Variants in FGGY observed in about 807,000 individuals in gnomAD.
The protein encoded by FGGY is FGGY carbohydrate kinase domain containing, also known as FGGY carbohydrate kinase domain-containing protein.
FGGY carries 72 observed loss-of-function variants against 71.3 expected under a neutral mutation model. That is an observed-to-expected ratio of 1.01 (90% CI 0.84 to 1.23). The LOEUF is 1.23. Ranked by LOEUF, FGGY falls within the 50% of genes most tolerant of loss-of-function variation. The pLI, the probability that FGGY is intolerant of heterozygous loss-of-function variation, is 0.00. For synonymous variants in FGGY, 251 were observed against 250.3 expected, an observed-to-expected ratio of 1.00 and a Z score of -0.02; for missense variants, 668 against 682.3, an observed-to-expected ratio of 0.98 and a Z score of 0.23.
chr1:59,472,500 A>G (rs927532411), intron 6 of FGGY, among the ~76,000 whole-genome samples: 1 of 152,238 alleles, frequency 6.6e-6, no homozygotes, highest in African/African-American at 2.4e-5. Flanking sequence ...AGGCAGCTCC[A>G]CCTGCAGCCC....
intron 7 of FGGY, among the ~76,000 whole-genome samples, chr1:59,542,445 C>CTTT (rs754831417): frequency 0.026 from 907 of 34,298 alleles, 168 homozygotes; most frequent in Non-Finnish European, 0.033. Flanking sequence ...ATGTTCTTTA[C>CTTT]TTTTTTTTTT....
At chr1:59,518,357 TG>T (rs1038797883) in intron 7 of FGGY, among the ~76,000 whole-genome samples, 73 of 152,310 alleles carry the variant, frequency 4.8e-4, no homozygotes, top group African/African-American at 1.7e-3. Context: ...TAATGTGATT[TG>T]GGGGGAACAT....
At chr1:59,525,824 A>G (rs1408160376) in intron 7 of FGGY, among the ~76,000 whole-genome samples, 1 of 152,196 alleles carries the variant, frequency 6.6e-6, no homozygotes, top group Non-Finnish European at 1.5e-5. Flanking sequence ...ACATATATGT[A>G]TTGTATGTGT....
chr1:59,624,482 C>T (rs1236400670), intron 9 of FGGY, among the ~76,000 whole-genome samples: 2 of 152,118 alleles, frequency 1.3e-5, no homozygotes, highest in Middle Eastern at 3.2e-3. Flanking sequence ...GTATATTTCA[C>T]GTGATATCAT....
intron 2 of FGGY, among the ~76,000 whole-genome samples, chr1:59,336,108 A>G (rs1481403827): frequency 6.6e-6 from 1 of 152,028 alleles, no homozygotes; most frequent in East Asian, 1.9e-4. Context: ...TACACATTTT[A>G]TATTTTTAGT....
intron 5 of FGGY, among the ~76,000 whole-genome samples, chr1:59,387,681 C>T (rs369982829): frequency 1.8e-4 from 28 of 152,252 alleles, no homozygotes; most frequent in South Asian, 6.2e-4. Flanking sequence ...CTTTTACCTA[C>T]GTTAATCAGT....
chr1:59,489,174 G>T (rs1351801455), intron 6 of FGGY, among the ~76,000 whole-genome samples: 1 of 151,860 alleles, frequency 6.6e-6, no homozygotes, highest in African/African-American at 2.4e-5. Context: ...TAGTGATCGG[G>T]TCAGTGTAAT....
At position 59,468,621 on chromosome 1, in the gene FGGY, C is replaced by A. The variant is rs1008365807; in HGVS notation, c.670+11545C>A. 3.3e-5 allele frequency among the ~76,000 whole-genome samples: 5 copies of A among 152,122 alleles called. No individual in the cohort carries two copies. In the South Asian group the frequency reaches 1.0e-3, roughly 32 times the overall value. On this transcript the variant is annotated intron_variant, in intron 6 of 15. Transcript: ENST00000303721. ...GGCGTGGTGGCTCACACCTGTAATC[C>A]CAGCACTTTGGGAGGCCGAGGCAGG...
At chr1:59,728,788 T>G (rs571303156) in intron 14 of FGGY, among the ~76,000 whole-genome samples, 1 of 152,108 alleles carries the variant, frequency 6.6e-6, no homozygotes, top group Non-Finnish European at 1.5e-5. Flanking sequence ...GTGGATTTCT[T>G]GCCCCCTTTG....
chr1:59,561,466 A>G (rs1311952460), intron 8 of FGGY, among the ~76,000 whole-genome samples: 1 of 152,176 alleles, frequency 6.6e-6, no homozygotes, highest in African/African-American at 2.4e-5. Context: ...AAGAAGCTCA[A>G]GGTAGCTTGT....
At chr1:59,432,362 C>T (rs781100475) in intron 5 of FGGY, among the ~76,000 whole-genome samples, 89 of 152,172 alleles carry the variant, frequency 5.8e-4, no homozygotes, top group Non-Finnish European at 1.1e-3. Flanking sequence ...TTATGGGAAC[C>T]TCCAGTATGT....
intron 11 of FGGY, among the ~76,000 whole-genome samples, chr1:59,648,587 G>A (rs1366402975): frequency 6.8e-6 from 1 of 147,958 alleles, no homozygotes; most frequent in Non-Finnish European, 1.5e-5. Context: ...CCCACTTTTT[G>A]ATGGGGTTGT....
chr1:59,369,818 G>C (rs545494715), intron 4 of FGGY, among the ~76,000 whole-genome samples: 160 of 152,342 alleles, frequency 1.1e-3, no homozygotes, highest in African/African-American at 3.8e-3. Flanking sequence ...TGGAGTGGAC[G>C]TCTAGCAAAC....
intron 2 of FGGY, among the ~76,000 whole-genome samples, chr1:59,329,227 A>G (rs1485001790): frequency 6.6e-6 from 1 of 152,236 alleles, no homozygotes; most frequent in African/African-American, 2.4e-5. Flanking sequence ...AAAGCAAGTC[A>G]CATGAATTTT....
At chr1:59,527,956 T>A (rs891650534) in intron 7 of FGGY, among the ~76,000 whole-genome samples, 2 of 152,222 alleles carry the variant, frequency 1.3e-5, no homozygotes, top group African/African-American at 4.8e-5. Context: ...TGCATAGGCA[T>A]TCATGGAGCT....
chr1:59,300,468 A>C (rs1451312348), intron 1 of FGGY, among the ~76,000 whole-genome samples: 1 of 152,152 alleles, frequency 6.6e-6, no homozygotes, highest in Non-Finnish European at 1.5e-5. Flanking sequence ...AGAGTTCTTA[A>C]TTTTGATGAA....
chr1:59,694,143 G>C lies in FGGY; in HGVS notation c.1512+20010G>C, dbSNP rs576524860. Among the ~76,000 whole-genome samples, 14 of 151,766 alleles carry C rather than the reference G, an allele frequency of 9.2e-5. No individual in the cohort carries two copies. In the South Asian group the frequency reaches 2.9e-3, roughly 32 times the overall value. Reference sequence around the variant, plus strand: ...TCTCTACTAAAAATACAAAAAATTAGCTGGGCACAGTGGCGGGCGCCTGTC... The same window carrying C: ...TCTCTACTAAAAATACAAAAAATTACCTGGGCACAGTGGCGGGCGCCTGTC... On this transcript the variant is annotated intron_variant, in intron 14 of 15. Transcript: ENST00000303721.
intron 5 of FGGY, among the ~76,000 whole-genome samples, chr1:59,402,179 G>A (rs1202755095): frequency 2.0e-5 from 3 of 152,238 alleles, no homozygotes; most frequent in Non-Finnish European, 4.4e-5. Flanking sequence ...GAACATGAAA[G>A]AAGATGTGAA....
intron 12 of FGGY, among the ~76,000 whole-genome samples, chr1:59,661,356 A>G (rs150834379): frequency 1.2e-3 from 181 of 152,358 alleles, no homozygotes; most frequent in African/African-American, 4.2e-3. Context: ...CTGAAGGGAT[A>G]TAACTTCTTT....
Sources: gnomAD v4.1 joint callset for allele counts (sites outside exome capture counted in the v4.1 genomes callset) on GRCh38, gnomAD v4.1.1 for gene constraint, MANE v1.5 for transcripts, NCBI Gene and HGNC (gene_info 2026-07-23, HGNC 2026-07-21) for gene names.